Variants in ADPRHL1 observed in about 807,000 individuals in gnomAD.
The protein encoded by ADPRHL1 is inactive ADP-ribosyltransferase ARH2.
In ADPRHL1, 43 loss-of-function variants were observed where a neutral mutation model predicts 44.1. The observed-to-expected ratio is 0.98, with a 90% confidence interval of 0.76 to 1.26. ADPRHL1 has a LOEUF of 1.26. ADPRHL1 is among the 50% of genes most tolerant of loss of function. The probability of loss-of-function intolerance (pLI) is 0.00; values close to 1 mark genes in which losing one functional copy is unlikely to be tolerated. For synonymous variants in ADPRHL1, 878 were observed against 1,017.4 expected (o/e 0.86, Z 2.61); for missense variants, 2,022 against 2,496.9 (o/e 0.81, Z 4.05).
chr13:113,436,116 A>C (rs1340207425), intron 2 of ADPRHL1, among the ~76,000 whole-genome samples: 1 of 20,942 alleles, frequency 4.8e-5, no homozygotes. Flanking sequence ...CAGCATCCAC[A>C]CGTAGAGTGA....
chr13:113,426,728 A>C lies in ADPRHL1; in HGVS notation c.647-1549T>G, dbSNP rs527259378. Among the ~76,000 whole-genome samples, 3 of 152,374 alleles carry C rather than the reference A, an allele frequency of 2.0e-5. No individual in the cohort carries two copies. The South Asian group carries it at 6.2e-4, about 32-fold the overall frequency. On this transcript the variant is annotated intron_variant, in intron 4 of 7. Coordinates refer to ENST00000612156, the MANE Select transcript of ADPRHL1 (RefSeq NM_001394807.1). Reference sequence around the variant, plus strand: ...AGGGCAGCGGTCACAGGTGCATCCCATGAACCCACAGGGCCTGAAACTCCG... The same window carrying C: ...AGGGCAGCGGTCACAGGTGCATCCCCTGAACCCACAGGGCCTGAAACTCCG...
intron 5 of ADPRHL1, among the ~76,000 whole-genome samples, chr13:113,424,753 T>G (rs1482946650): frequency 3.5e-5 from 1 of 28,452 alleles, no homozygotes; most frequent in Non-Finnish European, 6.6e-5. Flanking sequence ...CGCTTCTACC[T>G]ACCTGCCCTT....
Position 113,405,323 on chromosome 13 carries a change from G to T in ADPRHL1, c.3959C>A (p.Ala1320Glu). 5 of 1,231,768 alleles carry T rather than the reference G, an allele frequency of 4.1e-6. No homozygotes were observed. The highest frequency in any genetic ancestry group is 5.1e-6 in the Non-Finnish European group (5 of 988,050). The allele number at this position is 1,231,768 out of a possible 1,614,324, so 76.3% of individuals were successfully genotyped here. Residue 1320 changes from alanine (A) to glutamate (E), a missense_variant, in exon 8 of 8, where the codon GCG (alanine) becomes GAG (glutamate). Around this residue, in one of 8 missense-constraint regions of ADPRHL1, gnomAD observed 1,221 missense variants for 1,517.8 expected, o/e 0.80. Transcript: ENST00000612156. ...PDHLLPAVPP[A>E]EVDMGWVGGT... Reference sequence around the variant, plus strand: ...ACCTACCCACCCCATGTCCACCTCCGCGGGAGGCACTGCGGGAAGCAGATG... The same window carrying T: ...ACCTACCCACCCCATGTCCACCTCCTCGGGAGGCACTGCGGGAAGCAGATG...
chr13:113,412,078 T>C (rs759720358), intron 7 of ADPRHL1, among the ~76,000 whole-genome samples: 22 of 152,220 alleles, frequency 1.4e-4, no homozygotes, highest in Non-Finnish European at 2.6e-4. Context: ...CTCAGCATGT[T>C]CTGTGCTCTG....
chr13:113,405,373 C>A lies in ADPRHL1; in HGVS notation c.3909G>T (p.Arg1303Ser), dbSNP rs983233788. The change falls in exon 8 of 8, where the codon AGG becomes AGT. Residue 1303 changes from arginine to serine, a missense_variant. Physicochemically the swap from Arg to Ser is moderately radical, Grantham distance 110 (BLOSUM62 -1). Transcript: ENST00000612156. The part of the protein sequence containing the change: ...NPQAKGREGV[R>S]FPRGAEPDHL... Reference sequence around the variant, plus strand: ...GGTCAGGCTCCGCCCCACGGGGAAACCTGACGCCCTCCCTGCCCTTTGCCT... The same window carrying A: ...GGTCAGGCTCCGCCCCACGGGGAAAACTGACGCCCTCCCTGCCCTTTGCCT... The A allele has an allele frequency of 5.0e-5, 62 of 1,231,742 alleles. No homozygotes were observed. The highest frequency in any genetic ancestry group is 3.1e-4 in the Middle Eastern group (1 of 3,232). 76.3% of individuals were successfully genotyped at this position (1,231,742 alleles called of 1,614,324 possible). A position where few individuals can be genotyped will look rare whatever the true frequency, so the allele number is the denominator to read the frequency against.
rs1463212737 is a variant in ADPRHL1 at position 113,422,995 on chromosome 13, A to G, written c.908-16T>C. 1 of 1,612,614 alleles carries G rather than the reference A, an allele frequency of 6.2e-7. No homozygotes were observed. The highest frequency in any genetic ancestry group is 1.7e-5 in the Admixed American group (1 of 60,014). The stretch of plus-strand genomic sequence containing the variant: ...GCGCTCTCCCCTGAAACGCAAAGGC[A>G]GCAGTTGCAGTGGGCTCCACCTGAC... On this transcript the variant is annotated splice_polypyrimidine_tract_variant and intron_variant, in intron 6 of 7. Transcript: ENST00000612156.
chr13:113,420,021 G>A (rs1350599364), intron 7 of ADPRHL1, among the ~76,000 whole-genome samples: 2 of 151,502 alleles, frequency 1.3e-5, no homozygotes, highest in Admixed American at 6.6e-5. Flanking sequence ...GCTCCTGGAA[G>A]GAGGCTTAGG....
In ADPRHL1 at chr13:113,441,958, G is replaced by A. The variant is rs576733777; in HGVS notation, c.379+2467C>T. On this transcript the variant is annotated intron_variant, in intron 2 of 7. Transcript: ENST00000612156. This position sits in a 1 kb window ranked among gnomAD's most constrained non-coding sequence, Gnocchi z 6.0. Reference sequence around the variant, plus strand: ...CCGTGTCTCTGTCACGTTGTGTCCCGCCACGCGGCGTCCGCGTCTCTATCA... The same window carrying A: ...CCGTGTCTCTGTCACGTTGTGTCCCACCACGCGGCGTCCGCGTCTCTATCA... 1.8e-4 allele frequency among the ~76,000 whole-genome samples: 28 copies of A among 152,280 alleles called. No individual in the cohort carries two copies. Among genetic ancestry groups the A allele is most frequent in the South Asian group, 4.1e-4 (2 of 4,828 alleles).
chr13:113,441,322 C>T lies in ADPRHL1; in HGVS notation c.379+3103G>A, dbSNP rs2044096954. On this transcript the variant is annotated intron_variant, in intron 2 of 7. Transcript: ENST00000612156. This position sits in a 1 kb window ranked among gnomAD's most constrained non-coding sequence, Gnocchi z 6.0. ...TACCTGTACTGTCTAGTATTTGTCC[C>T]TCCTTCCCCCTTTTCTGCCTTTTTT... Among the ~76,000 whole-genome samples the T allele has an allele frequency of 6.6e-6, 1 of 152,120 alleles. No individual in the cohort carries two copies. The highest frequency in any genetic ancestry group is 2.4e-5 in the African/African-American group (1 of 41,402).
rs1425885914 is a variant in ADPRHL1, at chr13:113,403,513, C to T, written c.5769G>A (p.Ser1923=). The T allele has an allele frequency of 1.4e-5, 17 of 1,232,038 alleles. No homozygotes were observed. The highest frequency in any genetic ancestry group is 1.4e-5 in the Non-Finnish European group (14 of 988,032). The allele number at this position is 1,232,038 out of a possible 1,614,324, so 76.3% of individuals were successfully genotyped here. ...TGGACCTCCCGCGACGCTCGGGCTC[C>T]GATGCCTCCATCCTGTCCTGCAGGG... ...ERALQDRMEA[S]EPERRGRSRH... Residue 1923 remains serine, a synonymous_variant, in exon 8 of 8, where the codon TCG becomes TCA. Transcript: ENST00000612156.
chr13:113,426,218 G>A (rs1372174328), intron 4 of ADPRHL1, among the ~76,000 whole-genome samples: 2 of 152,196 alleles, frequency 1.3e-5, no homozygotes, highest in African/African-American at 2.4e-5. Context: ...ACAGGGAATC[G>A]CCTTCCCCGC....
chr13:113,421,424 GGGGACACCCCCATCCCT>G lies in ADPRHL1; in HGVS notation c.1061+1385_1061+1401del, dbSNP rs1595542845. On this transcript the variant is annotated intron_variant, in intron 7 of 7. Coordinates refer to ENST00000612156, the MANE Select transcript of ADPRHL1 (RefSeq NM_001394807.1). ...CCACCCCCAGAACACGTCTACCCCT[GGGGACACCCCCATCCCT>G]GGGACACGCCCATCCCCGGGACATG... is the stretch of plus-strand genomic sequence containing the variant. Among the ~76,000 whole-genome samples, 3 of 98,602 alleles carry G rather than the reference GGGGACACCCCCATCCCT, an allele frequency of 3.0e-5. No homozygotes were observed. In the South Asian group the frequency reaches 9.8e-4, roughly 32 times the overall value. The allele number at this position is 98,602 out of a possible 152,430, so 64.7% of individuals were successfully genotyped here.
intron 2 of ADPRHL1, among the ~76,000 whole-genome samples, chr13:113,440,428 G>C (rs1226663685): frequency 1.3e-5 from 2 of 151,114 alleles, no homozygotes; most frequent in Non-Finnish European, 2.9e-5. Flanking sequence ...GCTTTCTTTT[G>C]ATTAGTGTTA....
chr13:113,406,093 G>T lies in ADPRHL1; in HGVS notation c.3189C>A (p.Pro1063=), dbSNP rs573442566. Residue 1063 remains proline (P), a synonymous_variant, in exon 8 of 8, where the codon CCC becomes CCA. Transcript: ENST00000612156. ...GCCTTCTGCATTCCTCCAGCGCACC[G>T]GGCACTGTCATGCCCATCGGGGTGA... ...EGVTPMGMTV[P]GALEECRRPL... The T allele has an allele frequency of 4.9e-6, 6 of 1,232,034 alleles. No individual in the cohort carries two copies. The Admixed American group carries it at 1.7e-4, about 35-fold the overall frequency. 76.3% of individuals were successfully genotyped at this position (1,232,034 alleles called of 1,614,324 possible). A position where few individuals can be genotyped will look rare whatever the true frequency, so the allele number is the denominator to read the frequency against.
chr13:113,417,801 G>A (rs9549781), intron 7 of ADPRHL1, among the ~76,000 whole-genome samples: 2 of 48,688 alleles, frequency 4.1e-5, no homozygotes, highest in African/African-American at 1.1e-4. Flanking sequence ...GTTTACACAC[G>A]AGGGATTTTT....
At chr13:113,412,458 G>A (rs1189472219) in intron 7 of ADPRHL1, among the ~76,000 whole-genome samples, 1 of 152,228 alleles carries the variant, frequency 6.6e-6, no homozygotes, top group Non-Finnish European at 1.5e-5. Context: ...GATGACAGGC[G>A]TGAGCCACCG....
chr13:113,448,490 A>AAAAAAC lies in ADPRHL1; in HGVS notation c.215-3902_215-3901insGTTTTT, dbSNP rs2044157634. On this transcript the variant is annotated intron_variant, in intron 1 of 7. Coordinates refer to ENST00000612156, the MANE Select transcript of ADPRHL1 (RefSeq NM_001394807.1). ...CAAAAAAAAAAAAAAAAAAAAAAAA[A>AAAAAAC]ATGGTGCCTGAGTCTCCCAACCCAT... Among the ~76,000 whole-genome samples the AAAAAAC allele has an allele frequency of 7.3e-5, 11 of 151,586 alleles. No individual in the cohort carries two copies. The South Asian group carries it at 2.1e-3, about 29-fold the overall frequency.
chr13:113,404,252 C>CGTTCCT lies in ADPRHL1; in HGVS notation c.5029_5030insAGGAAC (p.Ala1676_Arg1677insGlnGlu). On this transcript the variant is annotated inframe_insertion, in exon 8 of 8. Transcript: ENST00000612156. ...CTGAGCCCCTTTCTGGGCCTGTTCC[C>CGTTCCT]GAGCCCGTTCCTGAGCCCCCTTCTG... 1 of 1,212,490 alleles carries CGTTCCT rather than the reference C, an allele frequency of 8.2e-7. No homozygotes were observed. Among genetic ancestry groups the CGTTCCT allele is most frequent in the East Asian group, 3.5e-5 (1 of 28,886 alleles). 75.1% of individuals were successfully genotyped at this position (1,212,490 alleles called of 1,614,324 possible).
Position 113,403,540 on chromosome 13 carries a change from C to T in ADPRHL1, c.5742G>A (p.Arg1914=). The T allele has an allele frequency of 8.1e-7, 1 of 1,231,964 alleles. No homozygotes were observed. The highest frequency in any genetic ancestry group is 1.0e-6 in the Non-Finnish European group (1 of 987,998). 76.3% of individuals were successfully genotyped at this position (1,231,964 alleles called of 1,614,324 possible). The change falls in exon 8 of 8, where the codon AGG becomes AGA. Residue 1914 remains arginine, a synonymous_variant. Coordinates refer to ENST00000612156, the MANE Select transcript of ADPRHL1 (RefSeq NM_001394807.1). ...EGSPDHPGAE[R]ALQDRMEASE... is the part of the protein sequence containing the mutation. ...ATGCCTCCATCCTGTCCTGCAGGGC[C>T]CTCTCAGCCCCAGGGTGGTCTGGGG...
Sources: allele counts gnomAD v4.1 joint callset (sites outside exome capture counted in the v4.1 genomes callset), GRCh38; gene constraint gnomAD v4.1.1; regional missense constraint gnomAD v4.1.1; non-coding constraint Gnocchi (gnomAD v3.1); transcripts MANE v1.5; gene names NCBI Gene and HGNC (gene_info 2026-07-23, HGNC 2026-07-21).